The following CBLB variants were observed in gnomAD, a reference collection of about 807,000 sequenced individuals.
The protein encoded by CBLB is E3 ubiquitin-protein ligase CBL-B.
A neutral mutation model predicts 104.9 loss-of-function variants in CBLB; 31 were observed. The observed-to-expected ratio is 0.30, with a 90% CI of 0.22 to 0.40. CBLB has a LOEUF of 0.40. CBLB is among the 10% of genes least tolerant of loss of function. The pLI is 1.00. For missense variants in CBLB, 1,062 were observed against 1,214.6 expected (o/e 0.87, Z 1.87); for synonymous variants, 440 against 422.6 (o/e 1.04, Z -0.51).
chr3:105,685,171 A>T, intron 14 of CBLB, 149 bp downstream of exon 14: 1 of 712,628 alleles, frequency 1.4e-6, no homozygotes, highest in Non-Finnish European at 2.4e-6. Context: ...CTTTAAAAGT[A>T]ATGCTGGAAA....
At chr3:105,753,854 T>G (rs1422743384) in intron 4 of CBLB, among the ~76,000 whole-genome samples, 2 of 152,210 alleles carry the variant, frequency 1.3e-5, no homozygotes, top group African/African-American at 4.8e-5. Context: ...ACGAGATGTA[T>G]GAACTTAAGA....
In CBLB at chr3:105,799,177, C is replaced by T. The variant is rs9809805; in HGVS notation, c.420-22635G>A. On this transcript the variant is annotated intron_variant, in intron 3 of 18. Transcript: ENST00000394030. ...ACACATGGTAAATAATGACAAAGAA[C>T]AAAAAAAAAAAAAAAAAGAAATCCC... is the stretch of plus-strand genomic sequence containing the variant. Among the ~76,000 whole-genome samples, 461 of 70,198 alleles carry T rather than the reference C, an allele frequency of 6.6e-3. 3 individuals are homozygous for T. The highest frequency in any genetic ancestry group is 0.014 in the African/African-American group (305 of 21,806). The allele number at this position is 70,198 out of a possible 152,430, so 46.1% of individuals were successfully genotyped here. A position where few individuals can be genotyped will look rare whatever the true frequency, so the allele number is the denominator to read the frequency against.
intron 3 of CBLB, among the ~76,000 whole-genome samples, chr3:105,785,723 A>G (rs1324951664): frequency 6.6e-6 from 1 of 152,160 alleles, no homozygotes; most frequent in East Asian, 1.9e-4. Context: ...TCTGGTGCTT[A>G]TGTCGTGCAA....
At chr3:105,677,787 T>C (rs1249813737) in intron 17 of CBLB, among the ~76,000 whole-genome samples, 2 of 149,330 alleles carry the variant, frequency 1.3e-5, no homozygotes. Context: ...AAAATTAGTT[T>C]ACTAATATTA....
Position 105,714,093 on chromosome 3 carries a change from C to T in CBLB, c.1407+5954G>A, listed in dbSNP as rs368411421. The stretch of plus-strand genomic sequence containing the variant: ...AATTTTTGATCTTACGGCTCCAACA[C>T]GGACTCTAATCCTGTGATTCAGATT... On this transcript the variant is annotated intron_variant, in intron 10 of 18. Coordinates refer to ENST00000394030, the MANE Select transcript of CBLB (RefSeq NM_170662.5). Among the ~76,000 whole-genome samples, 84 of 152,252 alleles carry T rather than the reference C, an allele frequency of 5.5e-4. No homozygotes were observed. The South Asian group carries it at 0.016, about 30-fold the overall frequency.
At chr3:105,822,997 G>T (rs2086093969) in intron 3 of CBLB, among the ~76,000 whole-genome samples, 1 of 152,122 alleles carries the variant, frequency 6.6e-6, no homozygotes, top group African/African-American at 2.4e-5. Context: ...GCTCAGAAAA[G>T]TACTTGTTTA....
intron 4 of CBLB, among the ~76,000 whole-genome samples, chr3:105,763,070 G>A (rs549781495): frequency 9.9e-5 from 15 of 152,130 alleles, no homozygotes; most frequent in Admixed American, 7.9e-4. Flanking sequence ...GCTGGATTTC[G>A]GACTTGTGTG....
intron 3 of CBLB, among the ~76,000 whole-genome samples, chr3:105,821,630 T>C (rs1394086972): frequency 1.3e-5 from 2 of 152,182 alleles, no homozygotes; most frequent in Non-Finnish European, 1.5e-5. Flanking sequence ...GACTTTCCTC[T>C]TTGAACACAC....
intron 14 of CBLB, 43 bp from the exon 15 acceptor site, chr3:105,681,861 T>G (rs1487093482): frequency 8.7e-7 from 1 of 1,151,590 alleles, no homozygotes; most frequent in Non-Finnish European, 1.3e-6. Context: ...GAGAATACTT[T>G]CCAATTAAAA....
intron 5 of CBLB, 129 bp from the exon 6 acceptor site, chr3:105,746,167 G>A (rs1438499111): frequency 1.5e-6 from 1 of 655,846 alleles, no homozygotes; most frequent in Non-Finnish European, 2.6e-6. Context: ...ACCTTATGTG[G>A]TTTAGGTCAA....
chr3:105,714,506 CTAA>C (rs904952432), intron 10 of CBLB, among the ~76,000 whole-genome samples: 4 of 152,118 alleles, frequency 2.6e-5, no homozygotes, highest in African/African-American at 9.7e-5. Flanking sequence ...TTAGATTCTC[CTAA>C]TAAGCGCACA....
chr3:105,811,947 G>GC (rs2084368358), intron 3 of CBLB, among the ~76,000 whole-genome samples: 1 of 151,968 alleles, frequency 6.6e-6, no homozygotes, highest in African/African-American at 2.4e-5. Flanking sequence ...CAGGTGATCT[G>GC]CCACCTTGCC....
Position 105,867,449 on chromosome 3 carries a change from G to A in CBLB, c.129C>T (p.Arg43=). The A allele has an allele frequency of 1.9e-6, 3 of 1,614,176 alleles. No homozygotes were observed. Among genetic ancestry groups the A allele is most frequent in the Admixed American group, 1.7e-5 (1 of 60,028 alleles). The part of the protein sequence containing the change: ...VGPPKQAAAD[R]RTVEKTWKLM... ...GCTTCCAAGTCTTCTCCACGGTCCTGCGATCTGCGGCAGCTTGCTTAGGGG... is the reference window on the plus strand; with the variant it reads ...GCTTCCAAGTCTTCTCCACGGTCCTACGATCTGCGGCAGCTTGCTTAGGGG... The change falls in exon 2 of 19, where the codon CGC becomes CGT. Residue 43 remains arginine, a synonymous_variant. Transcript: ENST00000394030.
intron 3 of CBLB, among the ~76,000 whole-genome samples, chr3:105,789,983 C>T (rs1042620174): frequency 6.6e-6 from 1 of 152,126 alleles, no homozygotes; most frequent in Non-Finnish European, 1.5e-5. Context: ...CTTAACAGAT[C>T]ACTGTACCTG....
At chr3:105,849,081 C>A (rs2090629595) in intron 3 of CBLB, among the ~76,000 whole-genome samples, 1 of 152,028 alleles carries the variant, frequency 6.6e-6, no homozygotes, top group African/African-American at 2.4e-5. Flanking sequence ...TTCTGTAGAG[C>A]AAAATGCCTC....
chr3:105,826,238 A>C (rs1340473731), intron 3 of CBLB, among the ~76,000 whole-genome samples: 1 of 152,218 alleles, frequency 6.6e-6, no homozygotes, highest in Non-Finnish European at 1.5e-5. Flanking sequence ...AGAGAAACGA[A>C]CATACAAATA....
At position 105,853,474 on chromosome 3, in the gene CBLB, C is replaced by T. The variant is rs1022800610; in HGVS notation, c.359G>A (p.Arg120Gln). Residue 120 changes from arginine to glutamine, a missense_variant, in exon 3 of 19, where the codon CGG (arginine) becomes CAG (glutamine). Transcript: ENST00000394030. ...YIDSLMKKSK[R>Q]AIRLFKEGKE... The stretch of plus-strand genomic sequence containing the variant: ...GCCTTCTTTAAAGAGTCTTATTGCC[C>T]GTTTTGACTTTTTCATAAGGCTATC... The T allele has an allele frequency of 3.6e-5, 58 of 1,612,924 alleles. No individual in the cohort carries two copies. Among genetic ancestry groups the T allele is most frequent in the Non-Finnish European group, 4.5e-5 (53 of 1,179,264 alleles).
chr3:105,768,220 G>C (rs1158525291), intron 4 of CBLB, among the ~76,000 whole-genome samples: 3 of 152,180 alleles, frequency 2.0e-5, no homozygotes, highest in Non-Finnish European at 4.4e-5. Context: ...GCTTAGCGAA[G>C]TTTAAGAAGA....
chr3:105,659,903 C>T (rs755975492), intron 18 of CBLB, among the ~76,000 whole-genome samples: 1 of 152,038 alleles, frequency 6.6e-6, no homozygotes, highest in Non-Finnish European at 1.5e-5. Context: ...TGCTCAAATA[C>T]TTTATACAGA....
Sources: gnomAD v4.1 joint callset for allele counts (sites outside exome capture counted in the v4.1 genomes callset) on GRCh38, gnomAD v4.1.1 for gene constraint, MANE v1.5 for transcripts, NCBI Gene and HGNC (gene_info 2026-07-23, HGNC 2026-07-21) for gene names.